Variants in ROBO1 observed in about 807,000 individuals in gnomAD.
The protein encoded by ROBO1 is roundabout homolog 1.
Under a neutral mutation model 195.9 loss-of-function variants are expected in ROBO1, and 149 were observed. The observed-to-expected ratio is 0.76, with a 90% CI of 0.67 to 0.87. The LOEUF is 0.87. Among genes scored for constraint, ROBO1 ranks in the 40% least tolerant of loss-of-function variants. The probability of loss-of-function intolerance (pLI) is 0.00; values close to 1 mark genes in which losing one functional copy is unlikely to be tolerated. For synonymous variants in ROBO1, 816 were observed against 733.2 expected, an observed-to-expected ratio of 1.11 and a Z score of -1.82; for missense variants, 1,933 against 2,068.3, an observed-to-expected ratio of 0.93 and a Z score of 1.27.
chr3:78,689,053 T>C (rs1430869214), intron 8 of ROBO1, among the ~76,000 whole-genome samples: 1 of 152,216 alleles, frequency 6.6e-6, no homozygotes, highest in Non-Finnish European at 1.5e-5. Flanking sequence ...CCCTACACAT[T>C]GTAAATATAC....
At chr3:78,822,119 C>CACACACAA (rs562751015) in intron 4 of ROBO1, among the ~76,000 whole-genome samples, 4 of 151,526 alleles carry the variant, frequency 2.6e-5, no homozygotes, top group Non-Finnish European at 4.4e-5. Context: ...CACACACACA[C>CACACACAA]AAATGTACGG....
intron 2 of ROBO1, among the ~76,000 whole-genome samples, chr3:79,141,108 C>A (rs1265007840): frequency 1.3e-5 from 2 of 152,136 alleles, no homozygotes; most frequent in Non-Finnish European, 1.5e-5. Context: ...TGTCCAATTT[C>A]TTTTACTGTC....
chr3:78,712,068 T>C (rs2081772174), intron 8 of ROBO1, among the ~76,000 whole-genome samples: 2 of 151,090 alleles, frequency 1.3e-5, no homozygotes, highest in South Asian at 4.2e-4. Context: ...ATCAGGGTTC[T>C]TTTTAAGATG....
At chr3:79,308,729 A>T (rs1187503629) in intron 2 of ROBO1, among the ~76,000 whole-genome samples, 1 of 152,180 alleles carries the variant, frequency 6.6e-6, no homozygotes, top group Non-Finnish European at 1.5e-5. Flanking sequence ...CCTCTGAATC[A>T]ATTACTAATA....
At chr3:78,917,607 T>A (rs562953848) in intron 4 of ROBO1, among the ~76,000 whole-genome samples, 2 of 152,252 alleles carry the variant, frequency 1.3e-5, no homozygotes, top group African/African-American at 4.8e-5. Flanking sequence ...TAATCAGCTA[T>A]AATAAAGAAA....
At chr3:78,919,073 A>G (rs1375374871) in intron 4 of ROBO1, among the ~76,000 whole-genome samples, 2 of 152,214 alleles carry the variant, frequency 1.3e-5, no homozygotes, top group Non-Finnish European at 2.9e-5. Context: ...CTAAAGTGTC[A>G]TATTAAGATA....
At chr3:79,734,097 A>G (rs1035884707) in intron 1 of ROBO1, among the ~76,000 whole-genome samples, 7 of 151,844 alleles carry the variant, frequency 4.6e-5, no homozygotes, top group Non-Finnish European at 8.8e-5. Context: ...ACAGGTGTGC[A>G]CTACCATGCC....
chr3:79,589,763 GA>G lies in ROBO1; in HGVS notation c.88+60del, dbSNP rs988772218. 5 of 1,336,140 alleles carry G rather than the reference GA, an allele frequency of 3.7e-6. No homozygotes were observed. The African/African-American group carries it at 4.4e-5, about 12-fold the overall frequency. The allele number at this position is 1,336,140 out of a possible 1,614,324, so 82.8% of individuals were successfully genotyped here. On this transcript the variant is annotated intron_variant, in intron 2 of 30. Coordinates refer to ENST00000464233, the MANE Select transcript of ROBO1 (RefSeq NM_002941.4). Reference sequence around the variant, plus strand: ...ATTTGCAACACACACAATAAAAAGTGAATTTAAAGCAAAGAGGGAATACTGG... The same window carrying G: ...ATTTGCAACACACACAATAAAAAGTGATTTAAAGCAAAGAGGGAATACTGG...
At chr3:79,144,829 A>T (rs2080610391) in intron 2 of ROBO1, among the ~76,000 whole-genome samples, 1 of 152,020 alleles carries the variant, frequency 6.6e-6, no homozygotes, top group African/African-American at 2.4e-5. Flanking sequence ...TCAGACGGAA[A>T]TCTGTTACGT....
intron 25 of ROBO1, among the ~76,000 whole-genome samples, chr3:78,629,575 A>C (rs1705046745): frequency 6.6e-6 from 1 of 152,060 alleles, no homozygotes; most frequent in African/African-American, 2.4e-5. Flanking sequence ...ACAAGCCTGT[A>C]GTCTCAGCTA....
At chr3:79,341,514 A>C (rs1576997896) in intron 2 of ROBO1, among the ~76,000 whole-genome samples, 1 of 151,848 alleles carries the variant, frequency 6.6e-6, no homozygotes, top group Non-Finnish European at 1.5e-5. Context: ...TAATTAAAAT[A>C]ATTACAGATC....
intron 1 of ROBO1, among the ~76,000 whole-genome samples, chr3:79,594,089 A>G (rs1446087570): frequency 6.6e-6 from 1 of 152,004 alleles, no homozygotes; most frequent in Non-Finnish European, 1.5e-5. Flanking sequence ...TTATTTCTCA[A>G]TACCTTGAAT....
chr3:79,546,127 A>G (rs1435953126), intron 2 of ROBO1, among the ~76,000 whole-genome samples: 2 of 152,076 alleles, frequency 1.3e-5, no homozygotes, highest in Non-Finnish European at 2.9e-5. Flanking sequence ...TGTATGTATA[A>G]TACATACATT....
intron 1 of ROBO1, among the ~76,000 whole-genome samples, chr3:79,756,246 G>A (rs7428483): frequency 0.3 from 45,296 of 151,778 alleles, 6,915 homozygotes; most frequent in East Asian, 0.36. Context: ...ACATTGACAC[G>A]CCTCATTAGA....
intron 2 of ROBO1, among the ~76,000 whole-genome samples, chr3:79,322,913 A>T (rs1170524858): frequency 6.6e-6 from 1 of 152,216 alleles, no homozygotes; most frequent in African/African-American, 2.4e-5. Context: ...AATTTGCATC[A>T]ATTTGTTAAT....
intron 2 of ROBO1, among the ~76,000 whole-genome samples, chr3:79,509,807 GAAT>G (rs1940605851): frequency 6.6e-6 from 1 of 151,996 alleles, no homozygotes. Context: ...GTGAAATAAT[GAAT>G]AATATTTGAA....
intron 2 of ROBO1, among the ~76,000 whole-genome samples, chr3:79,251,999 T>C (rs777231016): frequency 4.7e-5 from 7 of 150,194 alleles, no homozygotes; most frequent in Non-Finnish European, 7.4e-5. Context: ...TTCCTCAGAG[T>C]CTTTAAAATA....
intron 4 of ROBO1, among the ~76,000 whole-genome samples, chr3:78,813,140 T>C (rs75031763): frequency 0.056 from 8,557 of 152,162 alleles, 370 homozygotes; most frequent in Middle Eastern, 0.078. Flanking sequence ...CCATATGATC[T>C]AATCTTTGGA....
At chr3:79,685,319 C>G (rs1248043438) in intron 1 of ROBO1, among the ~76,000 whole-genome samples, 1 of 152,098 alleles carries the variant, frequency 6.6e-6, no homozygotes, top group Non-Finnish European at 1.5e-5. Context: ...ACTCTCAGGT[C>G]TTTTGTAGGC....
Sources: allele counts gnomAD v4.1 joint callset (sites outside exome capture counted in the v4.1 genomes callset), GRCh38; gene constraint gnomAD v4.1.1; transcripts MANE v1.5; gene names NCBI Gene and HGNC (gene_info 2026-07-23, HGNC 2026-07-21).